The following MCM7 variants were observed in gnomAD, a reference collection of about 807,000 sequenced individuals.
The protein encoded by MCM7 is DNA replication licensing factor MCM7.
A neutral mutation model predicts 83.5 loss-of-function variants in MCM7; 95 were observed. The ratio of observed to expected loss-of-function variants is 1.14; its 90% CI spans 0.96 to 1.35. MCM7 has a LOEUF of 1.35. Among genes scored for constraint, MCM7 ranks in the 40% most tolerant of loss-of-function variants. The probability of loss-of-function intolerance (pLI) is 0.00; values close to 1 mark genes in which losing one functional copy is unlikely to be tolerated. For synonymous variants in MCM7, 461 were observed against 352.7 expected (o/e 1.31, Z -3.44); for missense variants, 1,087 against 957.4 (o/e 1.14, Z -1.79).
chr7:100,092,849 TC>T lies in MCM7; in HGVS notation c.*82del, dbSNP rs2116544556. ...CATGGGAGAAAGAGGGGCTCCTCCTTCCCCTCAAAGGCATCACTGCCCCTTC... is the reference window on the plus strand; with the variant it reads ...CATGGGAGAAAGAGGGGCTCCTCCTTCCCTCAAAGGCATCACTGCCCCTTC... On this transcript the variant is annotated 3_prime_UTR_variant, in exon 15 of 15. Transcript: ENST00000303887. The T allele has an allele frequency of 7.1e-7, 1 of 1,408,748 alleles. No individual in the cohort carries two copies. Among genetic ancestry groups the T allele is most frequent in the African/African-American group, 1.4e-5 (1 of 70,546 alleles). The allele number at this position is 1,408,748 out of a possible 1,614,324, so 87.3% of individuals were successfully genotyped here. A position where few individuals can be genotyped will look rare whatever the true frequency, so the allele number is the denominator to read the frequency against.
chr7:100,097,325 A>G lies in MCM7; in HGVS notation c.1177T>C (p.Tyr393His), dbSNP rs775163648. 2.5e-6 allele frequency: 4 copies of G among 1,614,158 alleles called. No individual in the cohort carries two copies. In the East Asian group the frequency reaches 6.7e-5, roughly 27 times the overall value. Residue 393 changes from tyrosine to histidine, a missense_variant, in exon 10 of 15, where the codon TAC becomes CAC. By Grantham distance (83) the Tyr-to-His change is moderately conservative (BLOSUM62 2). Transcript: ENST00000303887. ...PGVAKSQLLS[Y>H]IDRLAPRSQY... ...CTGCGAGGCGCCAGTCGATCAATGT[A>G]TGACAGGAGCTGAGACTTGGCCACA...
chr7:100,101,256 A>G lies in MCM7; in HGVS notation c.31+8T>C. ...GCAGGACGCCCTCCCGGGCTCGTAG[A>G]CCCGTACCCTTCTCTAGCGCGTAGT... On this transcript the variant is annotated splice_region_variant and intron_variant, in intron 1 of 14. Coordinates refer to ENST00000303887, the MANE Select transcript of MCM7 (RefSeq NM_005916.5). The G allele has an allele frequency of 6.2e-7, 1 of 1,612,978 alleles. No homozygotes were observed. Among genetic ancestry groups the G allele is most frequent in the Non-Finnish European group, 8.5e-7 (1 of 1,179,858 alleles).
intron 3 of MCM7, 90 bp downstream of exon 3, chr7:100,099,499 C>T: frequency 2.5e-6 from 4 of 1,584,610 alleles, no homozygotes; most frequent in Non-Finnish European, 3.4e-6. Context: ...CTCCTTTCTG[C>T]CTGCTCAGAA....
At chr7:100,093,456 G>A in intron 13 of MCM7, 55 bp from the exon 14 acceptor site, 1 of 1,500,842 alleles carries the variant, frequency 6.7e-7, no homozygotes, top group South Asian at 1.1e-5. Context: ...GTGGAACGAG[G>A]TCAGGGGACA....
chr7:100,100,186 A>G, intron 1 of MCM7, 93 bp from the exon 2 acceptor site: 1 of 1,513,944 alleles, frequency 6.6e-7, no homozygotes, highest in Non-Finnish European at 8.9e-7. Flanking sequence ...GAACTAATTA[A>G]TAATATGAGC....
intron 5 of MCM7, 41 bp downstream of exon 5, chr7:100,098,982 C>G: frequency 1.2e-6 from 2 of 1,610,740 alleles, no homozygotes; most frequent in Non-Finnish European, 1.7e-6. Flanking sequence ...TACAAAACAA[C>G]TAATGGGTAA....
Position 100,098,210 on chromosome 7 carries a change from A to C in MCM7, c.801T>G (p.Pro267=), listed in dbSNP as rs754302843. The C allele has an allele frequency of 1.2e-6, 2 of 1,614,174 alleles. No individual in the cohort carries two copies. The highest frequency in any genetic ancestry group is 1.7e-6 in the Non-Finnish European group (2 of 1,180,020). ...VEGENTRIAQ[P]GDHVSVTGIF... ...TACCAGTGACGCTGACGTGGTCTCC[A>C]GGCTGGGCAATCCTTGTGTTCTCTC... The change falls in exon 7 of 15, where the codon CCT becomes CCG. Residue 267 remains proline, a synonymous_variant. Transcript: ENST00000303887.
In MCM7 at chr7:100,092,783, C is replaced by T. The variant is rs1795381445; in HGVS notation, c.*149G>A. ...AAGTCAGGCCCAGGCTAGAAGATGA[C>T]AATCTACAAACACTTTTATTAGCAA... is the stretch of plus-strand genomic sequence containing the variant. On this transcript the variant is annotated 3_prime_UTR_variant, in exon 15 of 15. Transcript: ENST00000303887. The T allele has an allele frequency of 2.5e-6, 2 of 800,226 alleles. No individual in the cohort carries two copies. The highest frequency in any genetic ancestry group is 4.0e-6 in the Non-Finnish European group (2 of 504,212). 49.6% of individuals were successfully genotyped at this position (800,226 alleles called of 1,614,324 possible). A position where few individuals can be genotyped will look rare whatever the true frequency, so the allele number is the denominator to read the frequency against.
At position 100,097,615 on chromosome 7, in the gene MCM7, C is replaced by T. The variant is rs199897487; in HGVS notation, c.1116G>A (p.Arg372=). ...VDQSPRGMKI[R]GNINICLMGD... ...AGCCTCTCCCTTGTTTCTTCTTACC[C>T]CGGATTTTCATGCCTCGAGGAGACT... is the stretch of plus-strand genomic sequence containing the variant. The change falls in exon 9 of 15, where the codon CGG becomes CGA. Residue 372 remains arginine, a splice_region_variant and synonymous_variant. Transcript: ENST00000303887. 1.9e-6 allele frequency: 3 copies of T among 1,613,536 alleles called. No individual in the cohort carries two copies. The highest frequency in any genetic ancestry group is 2.2e-5 in the East Asian group (1 of 44,908).
In MCM7 at chr7:100,099,711, G is replaced by A; in HGVS notation, c.154C>T (p.Leu52=). 1 of 1,614,154 alleles carries A rather than the reference G, an allele frequency of 6.2e-7. No individual in the cohort carries two copies. The highest frequency in any genetic ancestry group is 8.5e-7 in the Non-Finnish European group (1 of 1,180,050). The part of the protein sequence containing the change: ...HREQVALYVD[L]DDVAEDDPEL... Reference sequence around the variant, plus strand: ...GGGTCATCCTCGGCTACGTCGTCCAGGTCCACATACAGAGCCACCTGTTCC... The same window carrying A: ...GGGTCATCCTCGGCTACGTCGTCCAAGTCCACATACAGAGCCACCTGTTCC... The change falls in exon 3 of 15, where the codon CTG becomes TTG. Residue 52 remains leucine (L), a synonymous_variant. Coordinates refer to ENST00000303887, the MANE Select transcript of MCM7 (RefSeq NM_005916.5).
intron 1 of MCM7, 23 bp from the exon 2 acceptor site, chr7:100,100,116 G>T: frequency 6.2e-7 from 1 of 1,612,142 alleles, no homozygotes; most frequent in Non-Finnish European, 8.5e-7. Flanking sequence ...ATGTAAAACC[G>T]TAAGACACAA....
chr7:100,097,249 C>G (rs1026395231), intron 10 of MCM7, 52 bp downstream of exon 10: 1 of 1,513,208 alleles, frequency 6.6e-7, no homozygotes, highest in Non-Finnish European at 9.2e-7. Context: ...TGAATAAACA[C>G]TGTGGTCCTG....
At chr7:100,098,792 T>A in intron 5 of MCM7, 77 bp from the exon 6 acceptor site, 1 of 1,567,528 alleles carries the variant, frequency 6.4e-7, no homozygotes, top group Non-Finnish European at 8.7e-7. Flanking sequence ...TGAATCACAT[T>A]TTCTCTTCAT....
chr7:100,096,009 C>T lies in MCM7; in HGVS notation c.1360G>A (p.Asp454Asn), dbSNP rs755105959. ...ATGACCTCGTGGATGGCTGTGCGGT[C>T]GGCCTCAGCCATCTTGTCGAACTCA... ...IDEFDKMAEA[D>N]RTAIHEVMEQ... The change falls in exon 11 of 15, where the codon GAC becomes AAC. Residue 454 changes from aspartate to asparagine, a missense_variant. Asp to Asn is a conservative substitution (Grantham distance 23). Transcript: ENST00000303887. 22 of 1,613,896 alleles carry T rather than the reference C, an allele frequency of 1.4e-5. No homozygotes were observed. The highest frequency in any genetic ancestry group is 3.3e-5 in the South Asian group (3 of 91,074).
rs753002313 is a variant in MCM7 at position 100,099,220 on chromosome 7, G to C, written c.402-17C>G. ...TACAGCTCACTAAGGGGAGAAAACA[G>C]TCACAAACAAGATCCTGGAGAACCA... On this transcript the variant is annotated splice_polypyrimidine_tract_variant and intron_variant, in intron 4 of 14. Coordinates refer to ENST00000303887, the MANE Select transcript of MCM7 (RefSeq NM_005916.5). 5 of 1,613,886 alleles carry C rather than the reference G, an allele frequency of 3.1e-6. No individual in the cohort carries two copies. In the South Asian group the frequency reaches 5.5e-5, roughly 18 times the overall value.
chr7:100,098,686 G>T lies in MCM7; in HGVS notation c.612C>A (p.Ile204=). 1 of 1,614,096 alleles carries T rather than the reference G, an allele frequency of 6.2e-7. No homozygotes were observed. The highest frequency in any genetic ancestry group is 1.1e-5 in the South Asian group (1 of 91,070). Residue 204 remains isoleucine (I), a synonymous_variant, in exon 6 of 15, where the codon ATC becomes ATA. Transcript: ENST00000303887. ...PIQSPTFMPL[I]MCPSQECQTN... ...TTTGGCACTCCTGGCTTGGGCACATGATCAGAGGCATGAAAGTGGGAGACT... is the reference window on the plus strand; with the variant it reads ...TTTGGCACTCCTGGCTTGGGCACATTATCAGAGGCATGAAAGTGGGAGACT...
intron 1 of MCM7, 58 bp from the exon 2 acceptor site, chr7:100,100,151 C>T: frequency 6.3e-7 from 1 of 1,594,720 alleles, no homozygotes; most frequent in Non-Finnish European, 8.6e-7. Flanking sequence ...CTTAGATACC[C>T]ATTTTCGCTT....
At chr7:100,098,392 G>C (rs1795758718) in intron 6 of MCM7, 102 bp from the exon 7 acceptor site, 1 of 1,517,230 alleles carries the variant, frequency 6.6e-7, no homozygotes. Flanking sequence ...CCCAGCCACA[G>C]ACAAGCCCAC....
At chr7:100,098,479 C>T in intron 6 of MCM7, 99 bp downstream of exon 6, 2 of 1,564,828 alleles carry the variant, frequency 1.3e-6, no homozygotes, top group African/African-American at 1.4e-5. Context: ...CCTGCACTTC[C>T]CTCTTTTGTT....
Sources: gnomAD v4.1 joint callset for allele counts on GRCh38, gnomAD v4.1.1 for gene constraint, MANE v1.5 for transcripts, NCBI Gene and HGNC (gene_info 2026-07-23, HGNC 2026-07-21) for gene names.